The following PDE1C variants were observed in gnomAD, a reference collection of about 807,000 sequenced individuals.
PDE1C encodes dual specificity calcium/calmodulin-dependent 3',5'-cyclic nucleotide phosphodiesterase 1C.
In PDE1C, 62 loss-of-function variants were observed where a neutral mutation model predicts 93.1. That is an observed-to-expected ratio of 0.67 (90% confidence interval 0.54 to 0.82). PDE1C has a LOEUF of 0.82. Ranked by LOEUF, PDE1C falls within the 40% of genes least tolerant of loss-of-function variation. PDE1C has a pLI of 0.00. For synonymous variants in PDE1C, 325 were observed against 310.1 expected, an observed-to-expected ratio of 1.05 and a Z score of -0.50; for missense variants, 742 against 884.6, an observed-to-expected ratio of 0.84 and a Z score of 2.04.
chr7:31,786,925 C>G (rs1254907605), intron 16 of PDE1C: 1 of 134,510 alleles, frequency 7.4e-6, no homozygotes, highest in Non-Finnish European at 1.5e-5. Context: ...ATCTATCTAT[C>G]TATCTATCTA....
At chr7:31,757,769 C>T (rs901097461) in intron 17 of PDE1C, among the ~76,000 whole-genome samples, 1 of 152,174 alleles carries the variant, frequency 6.6e-6, no homozygotes, top group Non-Finnish European at 1.5e-5. Flanking sequence ...ACTAGAAATA[C>T]CACTTGACCC....
chr7:32,032,703 C>T (rs1363495408), intron 2 of PDE1C, among the ~76,000 whole-genome samples: 2 of 152,208 alleles, frequency 1.3e-5, no homozygotes, highest in East Asian at 1.9e-4. Flanking sequence ...ACAGACAGTG[C>T]CCTCTCCACA....
At chr7:32,032,801 C>T (rs1490691872) in intron 2 of PDE1C, among the ~76,000 whole-genome samples, 1 of 152,116 alleles carries the variant, frequency 6.6e-6, no homozygotes, top group African/African-American at 2.4e-5. Context: ...GAATCTCAGG[C>T]CCCATCCCAG....
In PDE1C at chr7:31,915,689, A is replaced by G. The variant is rs17160694; in HGVS notation, c.129-34829T>C. Among the ~76,000 whole-genome samples the G allele has an allele frequency of 5.6e-3, 858 of 152,296 alleles. 2 individuals are homozygous for G. Among genetic ancestry groups the G allele is most frequent in the African/African-American group, 0.02 (832 of 41,552 alleles). ...CACAGAGGTTACTGTGATAATTTTT[A>G]TATATTAGCAACTTAGAGAACTGTC... On this transcript the variant is annotated intron_variant, in intron 2 of 17. Transcript: ENST00000396191.
intron 1 of PDE1C, among the ~76,000 whole-genome samples, chr7:32,334,244 T>A (rs995726317): frequency 6.6e-6 from 1 of 152,132 alleles, no homozygotes; most frequent in Admixed American, 6.6e-5. Flanking sequence ...TAAATAAAGA[T>A]CCTTAATTTT....
intron 16 of PDE1C, among the ~76,000 whole-genome samples, chr7:31,794,752 C>T (rs1785079534): frequency 6.6e-6 from 1 of 151,854 alleles, no homozygotes. Context: ...AGTTAAGCAC[C>T]CTTGTCTGCA....
At chr7:32,055,168 A>C (rs906529841) in intron 1 of PDE1C, among the ~76,000 whole-genome samples, 1 of 152,232 alleles carries the variant, frequency 6.6e-6, no homozygotes, top group Non-Finnish European at 1.5e-5. Context: ...GCATTTACCC[A>C]AAAATTGATC....
chr7:32,372,808 T>C (rs1337387162), intron 1 of PDE1C, among the ~76,000 whole-genome samples: 3 of 152,182 alleles, frequency 2.0e-5, no homozygotes, highest in Admixed American at 6.5e-5. Flanking sequence ...GTAATCTGAA[T>C]AGACATTTCT....
intron 3 of PDE1C, among the ~76,000 whole-genome samples, chr7:32,127,096 C>A (rs887412263): frequency 6.6e-6 from 1 of 152,182 alleles, no homozygotes; most frequent in Non-Finnish European, 1.5e-5. Context: ...GCCTGACTGG[C>A]TTGAGTTGGG....
At chr7:32,205,480 C>G (rs947792417) in intron 2 of PDE1C, among the ~76,000 whole-genome samples, 3 of 152,036 alleles carry the variant, frequency 2.0e-5, no homozygotes, top group African/African-American at 7.2e-5. Flanking sequence ...TAAAAACGGA[C>G]CAATCAGCAC....
chr7:31,795,681 G>A (rs1785197703), intron 16 of PDE1C, among the ~76,000 whole-genome samples: 1 of 151,654 alleles, frequency 6.6e-6, no homozygotes, highest in Non-Finnish European at 1.5e-5. Context: ...GTAAGAGACT[G>A]GGATCTAAAC....
intron 4 of PDE1C, among the ~76,000 whole-genome samples, chr7:31,878,470 C>A (rs1237939766): frequency 6.6e-6 from 1 of 152,110 alleles, no homozygotes; most frequent in Non-Finnish European, 1.5e-5. Flanking sequence ...TTTAAACTTA[C>A]CGTGGTGTTT....
intron 1 of PDE1C, among the ~76,000 whole-genome samples, chr7:32,347,212 G>A (rs1668388): frequency 0.8 from 121,769 of 152,140 alleles, 49,093 homozygotes; most frequent in Admixed American, 0.85. Flanking sequence ...AAGGGAACAC[G>A]ATTAGCCATG....
At chr7:31,779,818 G>T (rs1236503862) in intron 16 of PDE1C, among the ~76,000 whole-genome samples, 1 of 152,138 alleles carries the variant, frequency 6.6e-6, no homozygotes, top group African/African-American at 2.4e-5. Context: ...TTTACTCAAA[G>T]TTCCACTCAT....
At chr7:32,423,775 T>G (rs1785479517) in intron 1 of PDE1C, among the ~76,000 whole-genome samples, 1 of 152,204 alleles carries the variant, frequency 6.6e-6, no homozygotes, top group Non-Finnish European at 1.5e-5. Flanking sequence ...TGATGAATGT[T>G]GGCTACACTT....
At chr7:31,963,105 TAA>T (rs760230162) in intron 2 of PDE1C, among the ~76,000 whole-genome samples, 1 of 152,330 alleles carries the variant, frequency 6.6e-6, no homozygotes, top group Middle Eastern at 3.4e-3. Context: ...CACATTTTTT[TAA>T]AAGCCAGATG....
chr7:32,325,396 C>T (rs1470737689), intron 1 of PDE1C, among the ~76,000 whole-genome samples: 1 of 152,148 alleles, frequency 6.6e-6, no homozygotes, highest in East Asian at 1.9e-4. Flanking sequence ...GCCCACAGTG[C>T]TGTCTCCCTC....
At chr7:31,922,117 C>T (rs1435899183) in intron 2 of PDE1C, among the ~76,000 whole-genome samples, 44 of 152,262 alleles carry the variant, frequency 2.9e-4, no homozygotes, top group Admixed American at 2.7e-3. Flanking sequence ...ATGAAATTCA[C>T]GGCATGAAGA....
chr7:32,348,302 T>C (rs1047631308), intron 1 of PDE1C, among the ~76,000 whole-genome samples: 3 of 151,376 alleles, frequency 2.0e-5, no homozygotes, highest in African/African-American at 7.3e-5. Context: ...GCTTACTCTT[T>C]ACCCACTTGA....
Sources: allele counts gnomAD v4.1 joint callset (sites outside exome capture counted in the v4.1 genomes callset), GRCh38; gene constraint gnomAD v4.1.1; transcripts MANE v1.5; gene names NCBI Gene and HGNC (gene_info 2026-07-23, HGNC 2026-07-21).